The following GALNT9 variants were observed in gnomAD, a reference collection of about 807,000 sequenced individuals.
GALNT9 encodes GalNAc transferase 9.
Under a neutral mutation model 63.1 loss-of-function variants are expected in GALNT9, and 47 were observed. The observed-to-expected ratio is 0.75, with a 90% CI of 0.59 to 0.95. The LOEUF (loss-of-function observed/expected upper bound fraction) is 0.95, where lower values mean the gene tolerates loss of function less well. Among genes scored for constraint, GALNT9 ranks in the 40% least tolerant of loss-of-function variants. GALNT9 has a pLI of 0.00. For missense variants in GALNT9, 829 were observed against 874.8 expected (o/e 0.95, Z 0.66); for synonymous variants, 396 against 365.7 (o/e 1.08, Z -0.94).
At chr12:132,317,948 A>G (rs1346134048) in intron 1 of GALNT9, among the ~76,000 whole-genome samples, 2 of 152,216 alleles carry the variant, frequency 1.3e-5, no homozygotes, top group Non-Finnish European at 2.9e-5. Flanking sequence ...ATTTACTTAA[A>G]AATAAAACAC....
intron 1 of GALNT9, among the ~76,000 whole-genome samples, chr12:132,320,118 C>T (rs28469527): frequency 0.14 from 21,608 of 152,338 alleles, 1,819 homozygotes; most frequent in South Asian, 0.24. Flanking sequence ...GCTCCTGCAG[C>T]GACATCCCCA....
At chr12:132,211,903 C>T (rs918954339) in intron 6 of GALNT9, among the ~76,000 whole-genome samples, 1 of 152,250 alleles carries the variant, frequency 6.6e-6, no homozygotes, top group Non-Finnish European at 1.5e-5. Flanking sequence ...GGCTGTGGCC[C>T]ATGTGACGGT....
intron 1 of GALNT9, among the ~76,000 whole-genome samples, chr12:132,287,143 A>T (rs1880630872): frequency 1.5e-5 from 2 of 133,962 alleles, no homozygotes; most frequent in South Asian, 5.0e-4. Flanking sequence ...ACACAGTCAC[A>T]CTCACGCACG....
chr12:132,203,694 C>T lies in GALNT9; in HGVS notation c.1078-4G>A, dbSNP rs562349243. The T allele has an allele frequency of 6.1e-5, 98 of 1,610,474 alleles. 1 individual carries two copies. The East Asian group carries it at 9.4e-4, about 15-fold the overall frequency. ...TGCTGCCGCCACACTGCCACACCTG[C>T]GGGGAGACGGCGCTGGGTGCCGGCG... On this transcript the variant is annotated splice_polypyrimidine_tract_variant and splice_region_variant and intron_variant, in intron 6 of 10. Transcript: ENST00000328957.
chr12:132,303,430 C>CT (rs1881397095), intron 1 of GALNT9, among the ~76,000 whole-genome samples: 1 of 109,924 alleles, frequency 9.1e-6, no homozygotes. Context: ...CAGCCTCGCC[C>CT]GGGCACACCC....
intron 1 of GALNT9, among the ~76,000 whole-genome samples, chr12:132,298,918 C>T (rs1449279981): frequency 6.7e-6 from 1 of 149,804 alleles, no homozygotes; most frequent in Non-Finnish European, 1.5e-5. Flanking sequence ...CCACTGCCAC[C>T]ACACCTAACC....
chr12:132,289,468 C>A (rs1285862354), intron 1 of GALNT9, among the ~76,000 whole-genome samples: 2 of 152,188 alleles, frequency 1.3e-5, no homozygotes, highest in Non-Finnish European at 2.9e-5. Flanking sequence ...CTGTCCACAC[C>A]CTAATCCCTG....
chr12:132,239,465 CAG>C (rs1279327442), intron 6 of GALNT9, among the ~76,000 whole-genome samples: 2 of 136,696 alleles, frequency 1.5e-5, no homozygotes, highest in Admixed American at 7.3e-5. Context: ...CAGAGAGAGA[CAG>C]AGAGACAAAG....
intron 6 of GALNT9, among the ~76,000 whole-genome samples, chr12:132,213,934 C>G (rs1236137310): frequency 6.6e-6 from 1 of 152,228 alleles, no homozygotes; most frequent in Non-Finnish European, 1.5e-5. Flanking sequence ...CAGGCCCAAC[C>G]CCACCCCCTA....
At chr12:132,260,915 G>A in intron 4 of GALNT9, 33 bp downstream of exon 4, 1 of 1,494,086 alleles carries the variant, frequency 6.7e-7, no homozygotes, top group Non-Finnish European at 8.9e-7. Context: ...GGGACCCGCT[G>A]AGACTGGCTG....
intron 1 of GALNT9, among the ~76,000 whole-genome samples, chr12:132,291,354 G>T (rs1192807577): frequency 4.2e-5 from 1 of 23,896 alleles, no homozygotes. Context: ...CAGCACCCAC[G>T]TCCACAGCAC....
At chr12:132,321,583 T>C (rs1868797674) in intron 1 of GALNT9, among the ~76,000 whole-genome samples, 1 of 152,150 alleles carries the variant, frequency 6.6e-6, no homozygotes, top group Admixed American at 6.5e-5. Flanking sequence ...CCTCACTCAC[T>C]TCGCCCTGAC....
rs1457393669 is a variant in GALNT9, at chr12:132,257,506, A to C, written c.959+183T>G. ...CCCCGGCCCTCGTCCTCATGCCCTCATCCCCACGCCCTCGTCCCCGGCCCT... is the reference window on the plus strand; with the variant it reads ...CCCCGGCCCTCGTCCTCATGCCCTCCTCCCCACGCCCTCGTCCCCGGCCCT... On this transcript the variant is annotated intron_variant, in intron 5 of 10. Coordinates refer to ENST00000328957, the MANE Select transcript of GALNT9 (RefSeq NM_001122636.2). Among the ~76,000 whole-genome samples, 10 of 105,894 alleles carry C rather than the reference A, an allele frequency of 9.4e-5. 1 individual carries two copies. The highest frequency in any genetic ancestry group is 3.9e-4 in the African/African-American group (10 of 25,498). 69.5% of individuals were successfully genotyped at this position (105,894 alleles called of 152,430 possible).
At chr12:132,250,325 C>T (rs1160463813) in intron 5 of GALNT9, among the ~76,000 whole-genome samples, 1 of 152,164 alleles carries the variant, frequency 6.6e-6, no homozygotes, top group Non-Finnish European at 1.5e-5. Flanking sequence ...TGTGGGGTCC[C>T]CACGGGGAGG....
At chr12:132,276,948 A>G (rs933795659) in intron 2 of GALNT9, among the ~76,000 whole-genome samples, 3 of 152,150 alleles carry the variant, frequency 2.0e-5, no homozygotes, top group Non-Finnish European at 4.4e-5. Context: ...GTGGACACAC[A>G]CACACATGTA....
chr12:132,264,960 C>A (rs370363521), intron 2 of GALNT9, among the ~76,000 whole-genome samples: 1 of 152,168 alleles, frequency 6.6e-6, no homozygotes, highest in African/African-American at 2.4e-5. Flanking sequence ...GGATCCCAAC[C>A]GCGTCCGCCT....
rs1555238248 is a variant in GALNT9, at chr12:132,248,029, T to C, written c.960-2A>G. On this transcript the variant is annotated splice_acceptor_variant, in intron 5 of 10. Coordinates refer to ENST00000328957, the MANE Select transcript of GALNT9 (RefSeq NM_001122636.2). LOFTEE classifies it high-confidence loss of function. ...GAGCAGCCGATCATGGCTGGGGTCC[T>C]GGGAGGCAGAGACAGCGGCGTGAGG... 3.9e-6 allele frequency: 6 copies of C among 1,548,910 alleles called. No individual in the cohort carries two copies. The East Asian group carries it at 1.2e-4, about 32-fold the overall frequency.
At chr12:132,251,367 G>A (rs927739687) in intron 5 of GALNT9, among the ~76,000 whole-genome samples, 3 of 152,224 alleles carry the variant, frequency 2.0e-5, no homozygotes, top group African/African-American at 7.2e-5. Flanking sequence ...CGCCGGTTAC[G>A]GGGCAGGAAG....
At chr12:132,314,949 T>A (rs1351557901) in intron 1 of GALNT9, among the ~76,000 whole-genome samples, 1 of 152,216 alleles carries the variant, frequency 6.6e-6, no homozygotes, top group East Asian at 1.9e-4. Context: ...CCATCACTTA[T>A]CAAGCGCGAC....
Sources: gnomAD v4.1 joint callset for allele counts (sites outside exome capture counted in the v4.1 genomes callset) on GRCh38, gnomAD v4.1.1 for gene constraint, MANE v1.5 for transcripts, NCBI Gene and HGNC (gene_info 2026-07-23, HGNC 2026-07-21) for gene names.